Variants in SOX13 observed in about 807,000 individuals in gnomAD.
The protein encoded by SOX13 is transcription factor SOX-13.
A neutral mutation model predicts 71.8 loss-of-function variants in SOX13; 28 were observed. That is an observed-to-expected ratio of 0.39 (90% confidence interval 0.29 to 0.53). SOX13 has a LOEUF of 0.53. SOX13 is among the 20% of genes least tolerant of loss of function. The pLI is 0.70. For synonymous variants in SOX13, 309 were observed against 317.8 expected (o/e 0.97, Z 0.29); for missense variants, 627 against 810.3 (o/e 0.77, Z 2.75).
intron 1 of SOX13, among the ~76,000 whole-genome samples, chr1:204,083,127 T>TG (rs1178315663): frequency 4.6e-5 from 7 of 152,298 alleles, no homozygotes; most frequent in Admixed American, 3.3e-4. Context: ...CTGATTAACT[T>TG]GAAGTTTGGA....
chr1:204,122,564 C>T, intron 9 of SOX13, 165 bp downstream of exon 9: 2 of 628,646 alleles, frequency 3.2e-6, no homozygotes, highest in East Asian at 2.8e-5. Context: ...TCTCCCTCAT[C>T]ATATCTGTCT....
At chr1:204,097,810 T>C (rs1446055548) in intron 1 of SOX13, among the ~76,000 whole-genome samples, 1 of 152,130 alleles carries the variant, frequency 6.6e-6, no homozygotes, top group Non-Finnish European at 1.5e-5. Flanking sequence ...AATGGCCACC[T>C]CCTGGATGGA....
intron 12 of SOX13, 52 bp from the exon 13 acceptor site, chr1:204,124,589 G>A: frequency 2.0e-6 from 3 of 1,483,636 alleles, no homozygotes; most frequent in South Asian, 1.2e-5. Flanking sequence ...TGGGGCTGGG[G>A]GTGGTCAGCA....
At chr1:204,096,676 A>G (rs1180625802) in intron 1 of SOX13, among the ~76,000 whole-genome samples, 1 of 151,876 alleles carries the variant, frequency 6.6e-6, no homozygotes, top group East Asian at 1.9e-4. Flanking sequence ...CAGACTCCCA[A>G]AGTGCTGGGA....
chr1:204,124,703 C>T lies in SOX13; in HGVS notation c.1438C>T (p.Leu480=). Residue 480 remains leucine, a synonymous_variant, in exon 13 of 14, where the codon CTG becomes TTG. Coordinates refer to ENST00000367204, the MANE Select transcript of SOX13 (RefSeq NM_005686.3). ...KQPYYEEQAR[L]SRQHLEKYPD... ...GCCCTACTATGAGGAACAGGCGCGGCTGAGCCGGCAGCACCTGGAGAAGTA... is the reference window on the plus strand; with the variant it reads ...GCCCTACTATGAGGAACAGGCGCGGTTGAGCCGGCAGCACCTGGAGAAGTA... The T allele has an allele frequency of 6.2e-7, 1 of 1,613,426 alleles. No individual in the cohort carries two copies. The highest frequency in any genetic ancestry group is 1.1e-5 in the South Asian group (1 of 90,912).
Position 204,123,184 on chromosome 1 carries a change from G to A in SOX13, c.1207G>A (p.Ala403Thr), listed in dbSNP as rs1269774859. 6.2e-7 allele frequency: 1 copy of A among 1,613,612 alleles called. No homozygotes were observed. The highest frequency in any genetic ancestry group is 1.1e-5 in the South Asian group (1 of 91,072). The change falls in exon 11 of 14, where the codon GCC (alanine) becomes ACC (threonine). Residue 403 changes from alanine (A) to threonine (T), a missense_variant. Coordinates refer to ENST00000367204, the MANE Select transcript of SOX13 (RefSeq NM_005686.3). The surrounding 1 kb of genome is among the most constrained non-coding windows in gnomAD (Gnocchi z 5.0). ...CGGCTGTGTGCACCCACTGGAGGAAGCCATGCTGAGCTGCGACATGGATGG... is the reference window on the plus strand; with the variant it reads ...CGGCTGTGTGCACCCACTGGAGGAAACCATGCTGAGCTGCGACATGGATGG... Reference protein sequence around the residue: ...EDGCVHPLEEAMLSCDMDGSR... With the variant: ...EDGCVHPLEETMLSCDMDGSR...
intron 1 of SOX13, among the ~76,000 whole-genome samples, chr1:204,092,616 G>C (rs7528560): frequency 3.9e-5 from 6 of 152,256 alleles, no homozygotes; most frequent in African/African-American, 1.4e-4. Flanking sequence ...AGTATAGAAG[G>C]CTTTGGTAAG....
At chr1:204,105,060 G>A (rs1342779935) in intron 1 of SOX13, among the ~76,000 whole-genome samples, 1 of 152,120 alleles carries the variant, frequency 6.6e-6, no homozygotes, top group Non-Finnish European at 1.5e-5. Flanking sequence ...GAGAGGAAGA[G>A]GATCGGCACC....
intron 7 of SOX13, 34 bp downstream of exon 7, chr1:204,117,741 C>T (rs896538934): frequency 1.4e-6 from 2 of 1,457,928 alleles, no homozygotes; most frequent in African/African-American, 1.4e-5. Context: ...ACCACTGCGG[C>T]CAGCCTGTCC....
At chr1:204,115,029 T>A (rs1656660069) in intron 4 of SOX13, among the ~76,000 whole-genome samples, 1 of 151,662 alleles carries the variant, frequency 6.6e-6, no homozygotes, top group Non-Finnish European at 1.5e-5. Context: ...TTTTTTTTTT[T>A]AAGATACAGT....
At chr1:204,082,804 C>A (rs1655936288) in intron 1 of SOX13, among the ~76,000 whole-genome samples, 1 of 152,130 alleles carries the variant, frequency 6.6e-6, no homozygotes, top group South Asian at 2.1e-4. Flanking sequence ...AGGTGGGTAG[C>A]AAGAGGGCTT....
chr1:204,104,689 G>A (rs1656427658), intron 1 of SOX13, among the ~76,000 whole-genome samples: 1 of 152,234 alleles, frequency 6.6e-6, no homozygotes, highest in Non-Finnish European at 1.5e-5. Context: ...CAGTGGAGGG[G>A]GATTAGTGTG....
intron 1 of SOX13, among the ~76,000 whole-genome samples, chr1:204,086,366 C>T (rs4951303): frequency 0.29 from 43,429 of 152,026 alleles, 6,801 homozygotes; most frequent in South Asian, 0.43. Context: ...TGCAGTGGCG[C>T]GATCTCGGCT....
Position 204,105,492 on chromosome 1 carries a change from G to A in SOX13, c.-1-7423G>A, listed in dbSNP as rs891906129. On this transcript the variant is annotated intron_variant, in intron 1 of 13. Transcript: ENST00000367204. ...GCAATCTTGGCTCACTGCAACCTCC[G>A]CCTCCTGGGTTTGAGCGATTCTCCT... 3.4e-5 allele frequency among the ~76,000 whole-genome samples: 5 copies of A among 149,006 alleles called. No individual in the cohort carries two copies. In the East Asian group the frequency reaches 7.9e-4, roughly 24 times the overall value.
intron 1 of SOX13, among the ~76,000 whole-genome samples, chr1:204,095,107 CG>C (rs1656225167): frequency 1.3e-5 from 2 of 152,162 alleles, no homozygotes; most frequent in South Asian, 4.1e-4. Context: ...CCTCCTTCCA[CG>C]GCCCTGAGCC....
chr1:204,098,998 C>T (rs1038693810), intron 1 of SOX13, among the ~76,000 whole-genome samples: 4 of 152,214 alleles, frequency 2.6e-5, no homozygotes, highest in African/African-American at 9.6e-5. Flanking sequence ...TCCCTTGCAT[C>T]ATCCGTACCA....
intron 1 of SOX13, among the ~76,000 whole-genome samples, chr1:204,090,769 G>C (rs368695399): frequency 3.3e-5 from 5 of 152,182 alleles, no homozygotes; most frequent in Admixed American, 2.0e-4. Flanking sequence ...GATTCAGCAC[G>C]GGTGAATTTG....
intron 4 of SOX13, among the ~76,000 whole-genome samples, chr1:204,115,507 A>AG (rs1228552243): frequency 1.1e-4 from 16 of 149,274 alleles, no homozygotes; most frequent in South Asian, 8.5e-4. Context: ...AAAAAAAAAA[A>AG]AAAAAAGGTC....
intron 1 of SOX13, among the ~76,000 whole-genome samples, chr1:204,079,036 C>T (rs538432860): frequency 5.3e-5 from 8 of 152,156 alleles, no homozygotes; most frequent in Admixed American, 1.3e-4. Context: ...CGGTGGCTCA[C>T]GCCTGTAATC....
Sources: gnomAD v4.1 joint callset for allele counts (sites outside exome capture counted in the v4.1 genomes callset) on GRCh38, gnomAD v4.1.1 for gene constraint, Gnocchi (gnomAD v3.1) non-coding constraint, MANE v1.5 for transcripts, NCBI Gene and HGNC (gene_info 2026-07-23, HGNC 2026-07-21) for gene names.